TASP1: variants seen among roughly 807,000 people sequenced by gnomAD.
TASP1 encodes threonine aspartase 1.
In TASP1, 16 loss-of-function variants were observed where a neutral mutation model predicts 56.6. The ratio of observed to expected loss-of-function variants is 0.28; its 90% confidence interval spans 0.19 to 0.43. The LOEUF (loss-of-function observed/expected upper bound fraction) is 0.43, where lower values mean the gene tolerates loss of function less well. Among genes scored for constraint, TASP1 ranks in the 20% least tolerant of loss-of-function variants. The pLI is 1.00. For synonymous variants in TASP1, 179 were observed against 184.2 expected (o/e 0.97, Z 0.23); for missense variants, 393 against 511.6 (o/e 0.77, Z 2.24).
the TASP1 span, among the ~76,000 whole-genome samples, chr20:13,373,896 G>A: frequency 4.0e-5 from 6 of 151,050 alleles, no homozygotes; most frequent in South Asian, 2.1e-4. Context: ...GTTTATTTAC[G>A]GGTGTTCCAC....
intron 13 of TASP1, among the ~76,000 whole-genome samples, chr20:13,391,862 G>A (rs1034336787): frequency 6.6e-6 from 1 of 151,790 alleles, no homozygotes; most frequent in Non-Finnish European, 1.5e-5. Flanking sequence ...CAGCTACTTG[G>A]GAGGCTGAGG....
chr20:13,514,598 ATTCAATGTAGG>A (rs995660840), intron 10 of TASP1, among the ~76,000 whole-genome samples: 1 of 152,160 alleles, frequency 6.6e-6, no homozygotes. Context: ...TTGCTCTTCA[ATTCAATGTAGG>A]TACAGGCAGA....
chr20:13,573,385 C>T (rs2046784732), intron 6 of TASP1, among the ~76,000 whole-genome samples: 1 of 152,106 alleles, frequency 6.6e-6, no homozygotes, highest in South Asian at 2.1e-4. Context: ...ACACTGAATC[C>T]CCCAGCTCCT....
chr20:13,618,870 A>G (rs2048612431), intron 4 of TASP1, among the ~76,000 whole-genome samples: 1 of 148,608 alleles, frequency 6.7e-6, no homozygotes, highest in South Asian at 2.1e-4. Flanking sequence ...TCCTATCACT[A>G]TTCTTTTTTT....
Position 13,518,113 on chromosome 20 carries a change from G to C in TASP1, c.874+10320C>G, listed in dbSNP as rs190945305. On this transcript the variant is annotated intron_variant, in intron 10 of 13. Transcript: ENST00000337743. ...CATTATTCCTAACCCCACATATTATGTCTCAAATTATTTCAGCTCCAGTGG... is the reference window on the plus strand; with the variant it reads ...CATTATTCCTAACCCCACATATTATCTCTCAAATTATTTCAGCTCCAGTGG... Among the ~76,000 whole-genome samples the C allele has an allele frequency of 3.5e-3, 534 of 152,170 alleles. 6 individuals are homozygous for C. Among genetic ancestry groups the C allele is most frequent in the Non-Finnish European group, 5.0e-3 (343 of 67,990 alleles).
intron 4 of TASP1, 39 bp from the exon 5 acceptor site, chr20:13,587,409 T>A (rs894160334): frequency 8.0e-5 from 122 of 1,530,954 alleles, no homozygotes; most frequent in Non-Finnish European, 1.1e-4. Context: ...TCATTAGTCT[T>A]AAAAAAAGTA....
At chr20:13,215,634 C>CGCCGGTCCT in the TASP1 span, among the ~76,000 whole-genome samples, 2 of 152,228 alleles carry the variant, frequency 1.3e-5, no homozygotes, top group Admixed American at 1.3e-4. Context: ...CCTATTTCAC[C>CGCCGGTCCT]ACCGCTCCAG....
the TASP1 span, among the ~76,000 whole-genome samples, chr20:13,359,779 A>G: frequency 0.11 from 16,446 of 150,118 alleles, 717 homozygotes; most frequent in African/African-American, 0.21. Context: ...GACTACAGCT[A>G]TATCTCATTG....
the TASP1 span, among the ~76,000 whole-genome samples, chr20:13,332,252 G>A: frequency 6.6e-6 from 1 of 152,124 alleles, no homozygotes; most frequent in Admixed American, 6.5e-5. Flanking sequence ...GGGGCCCAGT[G>A]CAAAATGAAA....
the TASP1 span, among the ~76,000 whole-genome samples, chr20:13,106,306 G>C: frequency 1.3e-5 from 2 of 152,140 alleles, no homozygotes; most frequent in African/African-American, 4.8e-5. Flanking sequence ...ACTAAGACTA[G>C]GGCGAGAAGG....
chr20:13,228,411 G>A, the TASP1 span, among the ~76,000 whole-genome samples: 43,786 of 151,986 alleles, frequency 0.29, 6,587 homozygotes, highest in African/African-American at 0.39. Context: ...TTGATTCTCA[G>A]AATTAAATGC....
At chr20:13,208,393 T>A in the TASP1 span, among the ~76,000 whole-genome samples, 1 of 152,232 alleles carries the variant, frequency 6.6e-6, no homozygotes, top group African/African-American at 2.4e-5. Flanking sequence ...GAAATTTGTT[T>A]AATGCTTTTT....
intron 11 of TASP1, among the ~76,000 whole-genome samples, chr20:13,471,811 T>C (rs1344269663): frequency 2.6e-5 from 4 of 152,128 alleles, no homozygotes; most frequent in Non-Finnish European, 5.9e-5. Flanking sequence ...TTCATCTCAT[T>C]GGGACTACTC....
chr20:13,178,834 T>A, the TASP1 span, among the ~76,000 whole-genome samples: 2 of 151,994 alleles, frequency 1.3e-5, no homozygotes, highest in Non-Finnish European at 2.9e-5. Context: ...TACAGCTAGA[T>A]AGGAGAAATA....
chr20:13,268,259 TCTC>T, the TASP1 span, among the ~76,000 whole-genome samples: 1 of 151,418 alleles, frequency 6.6e-6, no homozygotes, highest in African/African-American at 2.4e-5. Context: ...TCACTCCTCT[TCTC>T]TTCTCTCTCG....
intron 11 of TASP1, among the ~76,000 whole-genome samples, chr20:13,472,277 C>T (rs1323860999): frequency 6.6e-6 from 1 of 150,862 alleles, no homozygotes; most frequent in African/African-American, 2.5e-5. Context: ...AACTGGCTAG[C>T]CTTATGTAGA....
intron 6 of TASP1, among the ~76,000 whole-genome samples, chr20:13,573,191 A>G (rs1393186271): frequency 2.0e-5 from 3 of 152,170 alleles, no homozygotes; most frequent in Non-Finnish European, 4.4e-5. Flanking sequence ...CTCTGTTTTA[A>G]TTTTTTTATT....
chr20:13,234,989 T>C, the TASP1 span, among the ~76,000 whole-genome samples: 7 of 152,256 alleles, frequency 4.6e-5, no homozygotes, highest in African/African-American at 1.4e-4. Flanking sequence ...TCTACATGCA[T>C]GTTTTTCTTG....
chr20:13,162,551 A>G, the TASP1 span, among the ~76,000 whole-genome samples: 1 of 152,284 alleles, frequency 6.6e-6, no homozygotes, highest in Admixed American at 6.5e-5. Flanking sequence ...TAGCAATTGA[A>G]CCTAAAGGCT....
Sources: gnomAD v4.1 joint callset for allele counts (sites outside exome capture counted in the v4.1 genomes callset) on GRCh38, gnomAD v4.1.1 for gene constraint, MANE v1.5 for transcripts, NCBI Gene and HGNC (gene_info 2026-07-23, HGNC 2026-07-21) for gene names.